The following RAP1GAP2 variants were observed in gnomAD, a reference collection of about 807,000 sequenced individuals.
RAP1GAP2 encodes rap1 GTPase-activating protein 2.
In RAP1GAP2, 27 loss-of-function variants were observed where a neutral mutation model predicts 95.0. That is an observed-to-expected ratio of 0.28 (90% CI 0.21 to 0.39). The LOEUF (loss-of-function observed/expected upper bound fraction) is 0.39, where lower values mean the gene tolerates loss of function less well. Ranked by LOEUF, RAP1GAP2 falls within the 10% of genes least tolerant of loss-of-function variation. RAP1GAP2 has a pLI of 1.00. For missense variants in RAP1GAP2, 771 were observed against 970.0 expected, an observed-to-expected ratio of 0.79 and a Z score of 2.72; for synonymous variants, 373 against 380.9, an observed-to-expected ratio of 0.98 and a Z score of 0.24.
At chr17:2,832,078 C>T (rs1322006445) in intron 2 of RAP1GAP2, among the ~76,000 whole-genome samples, 2 of 151,328 alleles carry the variant, frequency 1.3e-5, no homozygotes, top group Non-Finnish European at 2.9e-5. Flanking sequence ...GTGGTGGGTG[C>T]CTGTAATCCC....
At chr17:2,830,242 T>C (rs1337051900) in intron 2 of RAP1GAP2, among the ~76,000 whole-genome samples, 1 of 151,678 alleles carries the variant, frequency 6.6e-6, no homozygotes, top group Non-Finnish European at 1.5e-5. Flanking sequence ...TGAAACCCTG[T>C]CTGTACTAAA....
At chr17:2,853,760 G>A (rs1322451125) in intron 2 of RAP1GAP2, among the ~76,000 whole-genome samples, 1 of 147,092 alleles carries the variant, frequency 6.8e-6, no homozygotes, top group African/African-American at 2.4e-5. Flanking sequence ...AAATGCCCGC[G>A]CCGGGGGAGC....
intron 2 of RAP1GAP2, among the ~76,000 whole-genome samples, chr17:2,814,079 G>A (rs578011269): frequency 6.6e-6 from 1 of 152,178 alleles, no homozygotes; most frequent in Non-Finnish European, 1.5e-5. Flanking sequence ...AGGCCTAGTA[G>A]GTTCACCTTG....
intron 11 of RAP1GAP2, among the ~76,000 whole-genome samples, chr17:2,985,279 G>GT (rs34922391): frequency 2.9e-4 from 33 of 114,142 alleles, no homozygotes; most frequent in East Asian, 2.2e-3. Flanking sequence ...AAACAGTGAT[G>GT]TTTTTTTTTT....
chr17:3,013,640 T>C (rs1051109859), intron 17 of RAP1GAP2, among the ~76,000 whole-genome samples: 2 of 140,222 alleles, frequency 1.4e-5, no homozygotes, highest in African/African-American at 5.2e-5. Flanking sequence ...TTCTTTTTTT[T>C]TTTTTTTTTT....
intron 2 of RAP1GAP2, among the ~76,000 whole-genome samples, chr17:2,852,086 A>G (rs1567709742): frequency 1.3e-5 from 2 of 152,172 alleles, no homozygotes; most frequent in Non-Finnish European, 2.9e-5. Context: ...TGTGTGCTAT[A>G]GCGCGGTGGG....
intron 2 of RAP1GAP2, among the ~76,000 whole-genome samples, chr17:2,895,522 G>T (rs1319056178): frequency 6.6e-6 from 1 of 152,090 alleles, no homozygotes; most frequent in Non-Finnish European, 1.5e-5. Flanking sequence ...AGTGTACATG[G>T]ATCACTTCAC....
chr17:2,818,297 A>T (rs1262911872), intron 2 of RAP1GAP2, among the ~76,000 whole-genome samples: 1 of 69,516 alleles, frequency 1.4e-5, no homozygotes, highest in African/African-American at 1.2e-4. Flanking sequence ...AGCCCACTTT[A>T]TTTATTTATT....
chr17:3,030,869 C>CT, intron 22 of RAP1GAP2, 53 bp from the exon 23 acceptor site: 1 of 1,503,830 alleles, frequency 6.6e-7, no homozygotes, highest in South Asian at 1.2e-5. Context: ...CCACACACAG[C>CT]CCCAGTGGCC....
chr17:2,890,314 A>G (rs983280178), intron 2 of RAP1GAP2, among the ~76,000 whole-genome samples: 1 of 152,170 alleles, frequency 6.6e-6, no homozygotes, highest in Admixed American at 6.6e-5. Flanking sequence ...TTACCCTGAA[A>G]TGCTGTAGTC....
chr17:2,896,034 G>A (rs2041812169), intron 2 of RAP1GAP2, among the ~76,000 whole-genome samples: 1 of 152,026 alleles, frequency 6.6e-6, no homozygotes. Flanking sequence ...GTCACTGCTG[G>A]CCTCTTCTCT....
At chr17:2,843,565 G>A (rs1014273260) in intron 2 of RAP1GAP2, among the ~76,000 whole-genome samples, 2 of 151,922 alleles carry the variant, frequency 1.3e-5, no homozygotes, top group Admixed American at 6.6e-5. Flanking sequence ...GGGATTACAG[G>A]TGTGAGCCAC....
At chr17:2,970,815 G>C (rs1398572832) in intron 8 of RAP1GAP2, among the ~76,000 whole-genome samples, 1 of 152,124 alleles carries the variant, frequency 6.6e-6, no homozygotes, top group East Asian at 1.9e-4. Flanking sequence ...TGAGGCGGGA[G>C]GATCACTTGA....
Position 2,777,837 on chromosome 17 carries a change from A to G in RAP1GAP2, c.-14+559A>G, listed in dbSNP as rs553107439. Among the ~76,000 whole-genome samples the G allele has an allele frequency of 3.1e-3, 465 of 152,014 alleles. 3 individuals are homozygous for G. Among genetic ancestry groups the G allele is most frequent in the African/African-American group, 0.011 (436 of 41,402 alleles). On this transcript the variant is annotated intron_variant, in intron 1 of 24. Coordinates refer to the RAP1GAP2 transcript ENST00000540393. ...TCTTGGGTTCTTTGCCTGCGTTGTGACCCTGGGGCCATCCCTCAAGCCCTA... is the reference window on the plus strand; with the variant it reads ...TCTTGGGTTCTTTGCCTGCGTTGTGGCCCTGGGGCCATCCCTCAAGCCCTA...
At chr17:2,897,401 T>C (rs1192245430) in intron 2 of RAP1GAP2, among the ~76,000 whole-genome samples, 2 of 151,602 alleles carry the variant, frequency 1.3e-5, no homozygotes, top group African/African-American at 2.4e-5. Context: ...TCCTGACACG[T>C]TCCTCCTGGA....
At chr17:2,940,394 T>C (rs1015203570) in intron 3 of RAP1GAP2, among the ~76,000 whole-genome samples, 2 of 152,324 alleles carry the variant, frequency 1.3e-5, no homozygotes, top group African/African-American at 4.8e-5. Flanking sequence ...GGAAGGCTTC[T>C]CGGCTCCCTG....
At chr17:2,787,559 GT>G (rs1388369986) in intron 1 of RAP1GAP2, among the ~76,000 whole-genome samples, 1 of 151,886 alleles carries the variant, frequency 6.6e-6, no homozygotes, top group South Asian at 2.1e-4. Context: ...CGCTGAGCCT[GT>G]TTTTTTGTTT....
chr17:2,904,532 G>GTGTC lies in RAP1GAP2; in HGVS notation c.81-749_81-748insCTGT, dbSNP rs955872147. ...GAGGACAGCTTTTTGACCAGGGCCT[G>GTGTC]TGTGTGTGTGTGTGTGTGTGTGTGT... On this transcript the variant is annotated intron_variant, in intron 2 of 24. Transcript: ENST00000254695. This position sits in a 1 kb window ranked among gnomAD's most constrained non-coding sequence, Gnocchi z 4.7. 7.0e-6 allele frequency among the ~76,000 whole-genome samples: 1 copy of GTGTC among 142,000 alleles called. No homozygotes were observed. The highest frequency in any genetic ancestry group is 1.6e-5 in the Non-Finnish European group (1 of 63,448). The allele number at this position is 142,000 out of a possible 152,430, so 93.2% of individuals were successfully genotyped here.
rs1475267891 is a variant in RAP1GAP2 at position 2,820,891 on chromosome 17, G to GTTTTTTTT, written c.80+20341_80+20342insTTTTTTTT. ...TGCCCGCCACCACGGCCCGGATAATGGTTTTTTTTTTTTTTTTTGTATTTT... is the reference window on the plus strand; with the variant it reads ...TGCCCGCCACCACGGCCCGGATAATGTTTTTTTTGTTTTTTTTTTTTTTTTTGTATTTT... On this transcript the variant is annotated intron_variant, in intron 2 of 24. Transcript: ENST00000254695. 1.3e-3 allele frequency among the ~76,000 whole-genome samples: 150 copies of GTTTTTTTT among 113,926 alleles called. 3 individuals carry two copies. The highest frequency in any genetic ancestry group is 2.7e-3 in the Admixed American group (26 of 9,794). 74.7% of individuals were successfully genotyped at this position (113,926 alleles called of 152,430 possible). A position where few individuals can be genotyped will look rare whatever the true frequency, so the allele number is the denominator to read the frequency against.
Sources: gnomAD v4.1 joint callset for allele counts (sites outside exome capture counted in the v4.1 genomes callset) on GRCh38, gnomAD v4.1.1 for gene constraint, Gnocchi (gnomAD v3.1) non-coding constraint, MANE v1.5 for transcripts, NCBI Gene and HGNC (gene_info 2026-07-23, HGNC 2026-07-21) for gene names.